ABTB2: variants seen among roughly 807,000 people sequenced by gnomAD.
The protein encoded by ABTB2 is ankyrin repeat and BTB/POZ domain-containing protein 2.
A neutral mutation model predicts 104.1 loss-of-function variants in ABTB2; 56 were observed. That is an observed-to-expected ratio of 0.54 (90% CI 0.43 to 0.67). ABTB2 has a LOEUF of 0.67. Ranked by LOEUF, ABTB2 falls within the 30% of genes least tolerant of loss-of-function variation. The probability of loss-of-function intolerance (pLI) is 0.00; values close to 1 mark genes in which losing one functional copy is unlikely to be tolerated. For synonymous variants in ABTB2, 606 were observed against 608.2 expected (o/e 1.00, Z 0.05); for missense variants, 1,279 against 1,407.7 (o/e 0.91, Z 1.46).
At chr11:34,303,462 G>T (rs1426551977) in intron 1 of ABTB2, among the ~76,000 whole-genome samples, 1 of 152,166 alleles carries the variant, frequency 6.6e-6, no homozygotes, top group African/African-American at 2.4e-5. Context: ...TCACGTAGAG[G>T]TTTCCACCCA....
At chr11:34,176,059 A>G (rs1215634672) in intron 3 of ABTB2, among the ~76,000 whole-genome samples, 1 of 152,122 alleles carries the variant, frequency 6.6e-6, no homozygotes, top group Non-Finnish European at 1.5e-5. Context: ...AGGCAGGTGG[A>G]TCACAAGGTC....
intron 4 of ABTB2, among the ~76,000 whole-genome samples, chr11:34,172,098 A>C (rs1237346377): frequency 6.6e-6 from 1 of 151,740 alleles, no homozygotes; most frequent in Non-Finnish European, 1.5e-5. Context: ...TAAGGCCAGG[A>C]GCAGTGGCTC....
rs1444573221 is a variant in ABTB2, at chr11:34,266,495, A to C, written c.884-61805T>G. 3.3e-5 allele frequency among the ~76,000 whole-genome samples: 5 copies of C among 151,896 alleles called. No homozygotes were observed. In the South Asian group the frequency reaches 1.0e-3, roughly 32 times the overall value. ...ATCCCTGCCAGCCCTGACACTATGCACTCCTCCAGCAAGCAGGAAAACAGT... is the reference window on the plus strand; with the variant it reads ...ATCCCTGCCAGCCCTGACACTATGCCCTCCTCCAGCAAGCAGGAAAACAGT... On this transcript the variant is annotated intron_variant, in intron 1 of 16. Coordinates refer to ENST00000435224, the MANE Select transcript of ABTB2 (RefSeq NM_145804.3).
rs115077301 is a variant in ABTB2 at position 34,290,696 on chromosome 11, A to G, written c.883+66005T>C. On this transcript the variant is annotated intron_variant, in intron 1 of 16. Transcript: ENST00000435224. ...CGTCTCTATAAAAAATGAAAAAAGA[A>G]AAACAAAGAAAGAAAGAAAGAAAAA... Among the ~76,000 whole-genome samples the G allele has an allele frequency of 3.2e-3, 483 of 152,284 alleles. 2 individuals are homozygous for G. The highest frequency in any genetic ancestry group is 0.01 in the African/African-American group (436 of 41,540).
intron 1 of ABTB2, among the ~76,000 whole-genome samples, chr11:34,212,439 G>C (rs1055468308): frequency 1.3e-5 from 2 of 152,194 alleles, no homozygotes; most frequent in African/African-American, 4.8e-5. Context: ...CCAGGGATTG[G>C]ATGAACGAGC....
chr11:34,213,019 C>A (rs965897581), intron 1 of ABTB2, among the ~76,000 whole-genome samples: 1 of 152,150 alleles, frequency 6.6e-6, no homozygotes, highest in African/African-American at 2.4e-5. Flanking sequence ...CTCCGAACAC[C>A]GGGCTGGATT....
intron 3 of ABTB2, among the ~76,000 whole-genome samples, chr11:34,190,143 G>A (rs1321333903): frequency 6.6e-6 from 1 of 152,216 alleles, no homozygotes; most frequent in African/African-American, 2.4e-5. Context: ...GGGAGGCTGA[G>A]GCAGGAGAAT....
intron 1 of ABTB2, among the ~76,000 whole-genome samples, chr11:34,236,085 A>T (rs1853839502): frequency 6.6e-6 from 1 of 152,108 alleles, no homozygotes; most frequent in Non-Finnish European, 1.5e-5. Context: ...CCCTGCAAGG[A>T]AGAGAAGGGT....
chr11:34,197,467 G>T lies in ABTB2; in HGVS notation c.1102C>A (p.Arg368Ser). 1 of 1,588,604 alleles carries T rather than the reference G, an allele frequency of 6.3e-7. No individual in the cohort carries two copies. Among genetic ancestry groups the T allele is most frequent in the Non-Finnish European group, 8.6e-7 (1 of 1,167,884 alleles). Residue 368 changes from arginine (R) to serine (S), a missense_variant, in exon 3 of 17, where the codon CGC becomes AGC. Coordinates refer to ENST00000435224, the MANE Select transcript of ABTB2 (RefSeq NM_145804.3). Reference protein sequence around the residue: ...HPLCPGASPARQARQPPQPIT... With the variant: ...HPLCPGASPASQARQPPQPIT... The stretch of plus-strand genomic sequence containing the variant: ...GGCTGTGGCGGCTGGCGGGCCTGGC[G>T]GGCAGGGCTGGCACCCGGGCACAGG...
At chr11:34,241,428 TG>T (rs1316561205) in intron 1 of ABTB2, among the ~76,000 whole-genome samples, 7 of 152,138 alleles carry the variant, frequency 4.6e-5, no homozygotes. Context: ...AGGACATCTC[TG>T]TTGCCTGAGT....
chr11:34,204,758 T>G, intron 1 of ABTB2, 68 bp from the exon 2 acceptor site: 1 of 1,526,990 alleles, frequency 6.5e-7, no homozygotes, highest in African/African-American at 1.4e-5. Flanking sequence ...CCCAGCCTGC[T>G]GCAGGCAGGG....
At chr11:34,236,418 A>G (rs149384079) in intron 1 of ABTB2, among the ~76,000 whole-genome samples, 6 of 152,266 alleles carry the variant, frequency 3.9e-5, no homozygotes, top group African/African-American at 1.2e-4. Context: ...AAGACAAAAA[A>G]TTCTTTCTAA....
chr11:34,329,916 G>C (rs1245288541), intron 1 of ABTB2, among the ~76,000 whole-genome samples: 2 of 152,318 alleles, frequency 1.3e-5, no homozygotes, highest in East Asian at 3.9e-4. Flanking sequence ...TGGTTTCTTA[G>C]CTTTAAATTA....
At chr11:34,238,445 T>G (rs1853872582) in intron 1 of ABTB2, among the ~76,000 whole-genome samples, 1 of 152,254 alleles carries the variant, frequency 6.6e-6, no homozygotes, top group African/African-American at 2.4e-5. Flanking sequence ...TTTGTCTGTT[T>G]TATTCATTGC....
chr11:34,297,796 G>GAAAAAAACAAAT (rs1554923796), intron 1 of ABTB2, among the ~76,000 whole-genome samples: 2 of 123,072 alleles, frequency 1.6e-5, no homozygotes, highest in African/African-American at 6.4e-5. Flanking sequence ...AAAAATAAAG[G>GAAAAAAACAAAT]AAAGAAAAAG....
chr11:34,198,354 G>A (rs1195594639), intron 2 of ABTB2, among the ~76,000 whole-genome samples: 1 of 152,176 alleles, frequency 6.6e-6, no homozygotes, highest in African/African-American at 2.4e-5. Flanking sequence ...TAACCTGGGA[G>A]GCGGAGGTGG....
At chr11:34,346,712 C>T (rs1855336960) in intron 1 of ABTB2, among the ~76,000 whole-genome samples, 2 of 152,086 alleles carry the variant, frequency 1.3e-5, no homozygotes, top group African/African-American at 4.8e-5. Flanking sequence ...CCTCTCCACA[C>T]CACAGATAAG....
chr11:34,316,188 C>T (rs973205247), intron 1 of ABTB2, among the ~76,000 whole-genome samples: 2 of 152,202 alleles, frequency 1.3e-5, no homozygotes, highest in Admixed American at 6.5e-5. Flanking sequence ...GGAGACAGCC[C>T]TCACTGACAG....
At chr11:34,165,754 G>T (rs1006971651) in intron 7 of ABTB2, among the ~76,000 whole-genome samples, 3 of 152,232 alleles carry the variant, frequency 2.0e-5, no homozygotes, top group African/African-American at 7.2e-5. Flanking sequence ...GAAGGAGCAG[G>T]GTGTCAGTGC....
Sources: allele counts gnomAD v4.1 joint callset (sites outside exome capture counted in the v4.1 genomes callset), GRCh38; gene constraint gnomAD v4.1.1; transcripts MANE v1.5; gene names NCBI Gene and HGNC (gene_info 2026-07-23, HGNC 2026-07-21).